The following ITGB1 variants were observed in gnomAD, a reference collection of about 807,000 sequenced individuals.
ITGB1 encodes the protein integrin beta-1.
Under a neutral mutation model 86.5 loss-of-function variants are expected in ITGB1, and 24 were observed. That is an observed-to-expected ratio of 0.28 (90% CI 0.20 to 0.39). The LOEUF is 0.39. Ranked by LOEUF, ITGB1 falls within the 10% of genes least tolerant of loss-of-function variation. ITGB1 has a pLI of 1.00. For synonymous variants in ITGB1, 323 were observed against 316.8 expected (o/e 1.02, Z -0.21); for missense variants, 556 against 946.9 (o/e 0.59, Z 5.42).
In ITGB1 at chr10:32,915,104, T is replaced by C. The variant is rs536274080; in HGVS notation, c.1470-2980A>G. On this transcript the variant is annotated intron_variant, in intron 11 of 15. Coordinates refer to ENST00000302278, the MANE Select transcript of ITGB1 (RefSeq NM_002211.4). Reference sequence around the variant, plus strand: ...AAAATGAAGGCAGAAATAAAGATGTTCTTTGAAACCAGTGAGAACAAAGAC... The same window carrying C: ...AAAATGAAGGCAGAAATAAAGATGTCCTTTGAAACCAGTGAGAACAAAGAC... Among the ~76,000 whole-genome samples the C allele has an allele frequency of 1.4e-3, 218 of 152,302 alleles. 1 individual carries two copies. The highest frequency in any genetic ancestry group is 5.0e-3 in the African/African-American group (207 of 41,552).
chr10:32,905,127 G>A (rs909081211), intron 15 of ITGB1, among the ~76,000 whole-genome samples: 2 of 150,950 alleles, frequency 1.3e-5, no homozygotes, highest in African/African-American at 4.9e-5. Context: ...AAGTGAGAAC[G>A]AGAAAAATAT....
intron 1 of ITGB1, among the ~76,000 whole-genome samples, chr10:32,939,722 A>G (rs113910847): frequency 4.0e-5 from 6 of 149,774 alleles, no homozygotes; most frequent in African/African-American, 1.2e-4. Context: ...CTGGGTGGGT[A>G]AGTGAGTGAG....
chr10:32,932,190 A>G (rs1219256200), intron 3 of ITGB1, among the ~76,000 whole-genome samples: 1 of 152,144 alleles, frequency 6.6e-6, no homozygotes, highest in African/African-American at 2.4e-5. Context: ...GCCACACTAA[A>G]AAAAGAAAAA....
rs192182916 is a variant in ITGB1, at chr10:32,902,799, T to A, written c.2332-1164A>T. Among the ~76,000 whole-genome samples the A allele has an allele frequency of 3.4e-3, 516 of 152,348 alleles. 5 individuals are homozygous for A. Among genetic ancestry groups the A allele is most frequent in the African/African-American group, 0.012 (486 of 41,580 alleles). ...GGATCTGCCTTTTGGTGGCACAATT[T>A]CTGCCCTCAAGGAAGGTATAGTTTG... On this transcript the variant is annotated intron_variant, in intron 15 of 15. Coordinates refer to ENST00000302278, the MANE Select transcript of ITGB1 (RefSeq NM_002211.4).
At chr10:32,910,690 G>T (rs1477731232) in intron 13 of ITGB1, among the ~76,000 whole-genome samples, 2 of 151,914 alleles carry the variant, frequency 1.3e-5, no homozygotes, top group African/African-American at 2.4e-5. Context: ...ACCCTATTAA[G>T]AAATAAAAGA....
At chr10:32,911,829 T>C (rs1041595167) in intron 12 of ITGB1, 57 bp downstream of exon 12, 29 of 1,503,346 alleles carry the variant, frequency 1.9e-5, no homozygotes, top group Admixed American at 1.2e-4. Context: ...AAACTCAAGA[T>C]TTTTCGTGGC....
intron 1 of ITGB1, among the ~76,000 whole-genome samples, chr10:32,942,953 C>T (rs1007011243): frequency 6.6e-6 from 1 of 152,080 alleles, no homozygotes; most frequent in African/African-American, 2.4e-5. Flanking sequence ...GAGTTGGAAG[C>T]TGCAGTAAGC....
At chr10:32,919,512 G>A (rs1248979018) in intron 11 of ITGB1, among the ~76,000 whole-genome samples, 3 of 151,988 alleles carry the variant, frequency 2.0e-5, no homozygotes, top group African/African-American at 2.4e-5. Context: ...AGACGAAATC[G>A]CCATCATCGG....
intron 8 of ITGB1, 120 bp from the exon 9 acceptor site, chr10:32,922,466 G>C: frequency 1.2e-6 from 1 of 802,640 alleles, no homozygotes; most frequent in Non-Finnish European, 2.1e-6. Flanking sequence ...CTAACTTTAG[G>C]AGTCAAACCT....
At chr10:32,926,545 A>T (rs2488329) in intron 5 of ITGB1, among the ~76,000 whole-genome samples, 82 of 151,712 alleles carry the variant, frequency 5.4e-4, no homozygotes, top group African/African-American at 1.9e-3. Context: ...TCTCTCCCCA[A>T]CTCTTGCTCC....
At chr10:32,922,769 A>C in intron 7 of ITGB1, 34 bp from the exon 8 acceptor site, 1 of 1,172,072 alleles carries the variant, frequency 8.5e-7, no homozygotes, top group Non-Finnish European at 1.2e-6. Flanking sequence ...TAGTATTTAA[A>C]TACACCCTTA....
At chr10:32,932,170 T>C (rs190521735) in intron 3 of ITGB1, among the ~76,000 whole-genome samples, 94 of 152,200 alleles carry the variant, frequency 6.2e-4, no homozygotes, top group African/African-American at 2.0e-3. Context: ...TATTTTAAAA[T>C]TGTTTAGTAG....
At chr10:32,944,928 C>T in intron 1 of ITGB1, 2 of 1,321,772 alleles carry the variant, frequency 1.5e-6, no homozygotes, top group Non-Finnish European at 2.2e-6. Flanking sequence ...CAAACAAAGC[C>T]AGTCCTGGAA....
intron 2 of ITGB1, 126 bp from the exon 3 acceptor site, chr10:32,932,726 C>T: frequency 1.7e-6 from 1 of 594,478 alleles, no homozygotes; most frequent in Non-Finnish European, 3.0e-6. Flanking sequence ...TAGTTACCAT[C>T]TAAACTAGAC....
intron 1 of ITGB1, among the ~76,000 whole-genome samples, chr10:32,957,030 G>A (rs1350430396): frequency 6.6e-6 from 1 of 152,134 alleles, no homozygotes; most frequent in South Asian, 2.1e-4. Flanking sequence ...CTGTGCCTCA[G>A]TTTCTTCACT....
At position 32,901,404 on chromosome 10, in the gene ITGB1, A is replaced by G. The variant is rs201465247; in HGVS notation, c.*166T>C. 1.5e-5 allele frequency: 8 copies of G among 517,444 alleles called. No homozygotes were observed. In the South Asian group the frequency reaches 2.9e-4, roughly 19 times the overall value. 32.1% of individuals were successfully genotyped at this position (517,444 alleles called of 1,614,324 possible). On this transcript the variant is annotated 3_prime_UTR_variant, in exon 16 of 16. Transcript: ENST00000302278. ...TTTGTCAGTCCCTGGCATGAATTACAACATTATTTTCAAAATAATAAAACA... is the reference window on the plus strand; with the variant it reads ...TTTGTCAGTCCCTGGCATGAATTACGACATTATTTTCAAAATAATAAAACA...
At chr10:32,957,584 G>A (rs1281731299) in intron 1 of ITGB1, among the ~76,000 whole-genome samples, 3 of 151,182 alleles carry the variant, frequency 2.0e-5, no homozygotes, top group Non-Finnish European at 4.4e-5. Context: ...GCTGGCCCCA[G>A]GGCCGCCTCC....
At chr10:32,914,107 C>A (rs1005511815) in intron 11 of ITGB1, among the ~76,000 whole-genome samples, 1 of 152,154 alleles carries the variant, frequency 6.6e-6, no homozygotes, top group Non-Finnish European at 1.5e-5. Context: ...TACAGACAAG[C>A]AAATGCTGAG....
chr10:32,939,393 G>C (rs187919525), intron 1 of ITGB1, among the ~76,000 whole-genome samples: 92 of 152,238 alleles, frequency 6.0e-4, no homozygotes, highest in African/African-American at 2.0e-3. Flanking sequence ...ATTTAACAAA[G>C]AAAGAGCTCT....
Sources: gnomAD v4.1 joint callset for allele counts (sites outside exome capture counted in the v4.1 genomes callset) on GRCh38, gnomAD v4.1.1 for gene constraint, MANE v1.5 for transcripts, NCBI Gene and HGNC (gene_info 2026-07-23, HGNC 2026-07-21) for gene names.